The following TBC1D23 variants were observed in gnomAD, a reference collection of about 807,000 sequenced individuals.
The protein encoded by TBC1D23 is HCV non-structural protein 4A-transactivated protein 1.
In TBC1D23, 55 loss-of-function variants were observed where a neutral mutation model predicts 91.4. The observed-to-expected ratio is 0.60, with a 90% CI of 0.48 to 0.75. The LOEUF is 0.75. Ranked by LOEUF, TBC1D23 falls within the 30% of genes least tolerant of loss-of-function variation. TBC1D23 has a pLI of 0.00. For synonymous variants in TBC1D23, 289 were observed against 281.0 expected, an observed-to-expected ratio of 1.03 and a Z score of -0.28; for missense variants, 725 against 836.1, an observed-to-expected ratio of 0.87 and a Z score of 1.64.
Position 100,306,431 on chromosome 3 carries a change from CT to C in TBC1D23, c.1307-4del, listed in dbSNP as rs1705519197. On this transcript the variant is annotated splice_polypyrimidine_tract_variant and splice_region_variant and intron_variant, in intron 12 of 18. Transcript: ENST00000394144. ...GGTTTTTCTTTTTTTTTTAATTTAT[CT>C]TAAGCACTGCAGCAGCACCTGGCAG... The C allele has an allele frequency of 6.5e-7, 1 of 1,542,744 alleles. No individual in the cohort carries two copies.
intron 5 of TBC1D23, 34 bp from the exon 6 acceptor site, chr3:100,295,053 G>A: frequency 6.5e-7 from 1 of 1,542,648 alleles, no homozygotes. Flanking sequence ...CACCTCCAGT[G>A]GTTTATGTCT....
At chr3:100,297,047 A>G (rs1191020296) in intron 8 of TBC1D23, among the ~76,000 whole-genome samples, 1 of 152,126 alleles carries the variant, frequency 6.6e-6, no homozygotes, top group African/African-American at 2.4e-5. Context: ...AAAGGACACC[A>G]GATTAGAAGT....
chr3:100,318,338 A>G (rs920045779), intron 16 of TBC1D23, among the ~76,000 whole-genome samples: 1 of 152,026 alleles, frequency 6.6e-6, no homozygotes, highest in African/African-American at 2.4e-5. Context: ...TTATCTCAGG[A>G]TTGATTTTAT....
At chr3:100,290,520 T>C in intron 4 of TBC1D23, 58 bp from the exon 5 acceptor site, 1 of 1,530,034 alleles carries the variant, frequency 6.5e-7, no homozygotes, top group Non-Finnish European at 9.0e-7. Flanking sequence ...GATTGGTTAC[T>C]GATGTGATTA....
At chr3:100,307,973 A>G (rs939828387) in intron 13 of TBC1D23, among the ~76,000 whole-genome samples, 4 of 152,226 alleles carry the variant, frequency 2.6e-5, no homozygotes, top group Admixed American at 2.0e-4. Context: ...AAACATTCTA[A>G]TTTATATTCC....
At chr3:100,320,595 A>G (rs1258241706) in intron 17 of TBC1D23, among the ~76,000 whole-genome samples, 182 bp from the exon 18 acceptor site, 2 of 152,206 alleles carry the variant, frequency 1.3e-5, no homozygotes, top group East Asian at 1.9e-4. Context: ...TTAATTTTGC[A>G]TACAATTAAA....
chr3:100,306,406 G>C, intron 12 of TBC1D23, 31 bp from the exon 13 acceptor site: 5 of 1,315,526 alleles, frequency 3.8e-6, no homozygotes, highest in Non-Finnish European at 5.4e-6. Context: ...TGATATTTTA[G>C]GTTTTTCTTT....
At chr3:100,279,500 C>T in intron 1 of TBC1D23, 149 bp from the exon 2 acceptor site, 1 of 473,080 alleles carries the variant, frequency 2.1e-6, no homozygotes, top group South Asian at 4.4e-5. Flanking sequence ...CACAAGAAAA[C>T]ATGCTGTGTA....
At chr3:100,301,581 G>A (rs1705432676) in intron 10 of TBC1D23, among the ~76,000 whole-genome samples, 1 of 152,082 alleles carries the variant, frequency 6.6e-6, no homozygotes. Flanking sequence ...TTGTTTCCTT[G>A]AGGGTAAGAA....
intron 1 of TBC1D23, among the ~76,000 whole-genome samples, chr3:100,272,735 G>A (rs1200118623): frequency 1.3e-5 from 2 of 152,060 alleles, no homozygotes; most frequent in African/African-American, 2.4e-5. Context: ...GTGGAGAGAA[G>A]GTCAGCAGAT....
At chr3:100,286,081 A>G (rs1162762980) in intron 4 of TBC1D23, among the ~76,000 whole-genome samples, 1 of 152,186 alleles carries the variant, frequency 6.6e-6, no homozygotes, top group African/African-American at 2.4e-5. Context: ...CCTCTGTGCT[A>G]CCTTGAAGCC....
chr3:100,303,123 C>T (rs1705462104), intron 11 of TBC1D23, among the ~76,000 whole-genome samples: 2 of 152,064 alleles, frequency 1.3e-5, no homozygotes, highest in African/African-American at 2.4e-5. Context: ...TCAGTGATGG[C>T]TTGTTTTTTA....
At chr3:100,298,271 A>T (rs1705343782) in intron 9 of TBC1D23, among the ~76,000 whole-genome samples, 1 of 142,802 alleles carries the variant, frequency 7.0e-6, no homozygotes. Flanking sequence ...GACATTCTTG[A>T]CACCAGTTTT....
chr3:100,297,663 G>A (rs908171689), intron 8 of TBC1D23, among the ~76,000 whole-genome samples: 2 of 149,980 alleles, frequency 1.3e-5, no homozygotes, highest in African/African-American at 2.5e-5. Context: ...TTAACTACAG[G>A]TGGTAGTATA....
At position 100,314,153 on chromosome 3, in the gene TBC1D23, C is replaced by T. The variant is rs1052221732; in HGVS notation, c.1599-1946C>T. Among the ~76,000 whole-genome samples the T allele has an allele frequency of 2.4e-5, 3 of 126,126 alleles. No individual in the cohort carries two copies. In the Admixed American group the frequency reaches 3.2e-4, roughly 14 times the overall value. The allele number at this position is 126,126 out of a possible 152,430, so 82.7% of individuals were successfully genotyped here. A position where few individuals can be genotyped will look rare whatever the true frequency, so the allele number is the denominator to read the frequency against. ...TTGCTCTGTTGCCCAAGCTGGAGTG[C>T]AGTGGCGCAATCTCGGCTCACTGCA... On this transcript the variant is annotated intron_variant, in intron 15 of 18. Transcript: ENST00000394144.
chr3:100,299,273 C>G lies in TBC1D23; in HGVS notation c.1034C>G (p.Pro345Arg). 1 of 1,612,914 alleles carries G rather than the reference C, an allele frequency of 6.2e-7. No individual in the cohort carries two copies. The highest frequency in any genetic ancestry group is 1.7e-5 in the Admixed American group (1 of 59,994). ...CGGTTCTTTGTGGTGGATTGCCGTCCTGCAGAACAATATAATGCTGGGCAT... is the reference window on the plus strand; with the variant it reads ...CGGTTCTTTGTGGTGGATTGCCGTCGTGCAGAACAATATAATGCTGGGCAT... Reference protein sequence around the residue: ...GVRFFVVDCRPAEQYNAGHLS... With the variant: ...GVRFFVVDCRRAEQYNAGHLS... The change falls in exon 10 of 19, where the codon CCT (proline) becomes CGT (arginine). Residue 345 changes from proline to arginine, a missense_variant. Transcript: ENST00000394144.
At chr3:100,291,021 T>C (rs1175977744) in intron 5 of TBC1D23, among the ~76,000 whole-genome samples, 1 of 152,214 alleles carries the variant, frequency 6.6e-6, no homozygotes, top group Non-Finnish European at 1.5e-5. Context: ...ACATGTAATA[T>C]ATGATACATA....
intron 3 of TBC1D23, among the ~76,000 whole-genome samples, 199 bp from the exon 4 acceptor site, chr3:100,283,406 CTG>C (rs1217716223): frequency 2.0e-5 from 3 of 151,752 alleles, no homozygotes; most frequent in African/African-American, 7.3e-5. Context: ...AGCGTTTTGA[CTG>C]TGTGTTTTCC....
chr3:100,320,933 TAGC>T lies in TBC1D23; in HGVS notation c.1983_1985del (p.Ser662del). On this transcript the variant is annotated inframe_deletion, in exon 18 of 19. Coordinates refer to ENST00000394144, the MANE Select transcript of TBC1D23 (RefSeq NM_001199198.3). ...AACTCATTACCTTCAAGTATGGAAATAGCAGTGCTTCAGGAATAGAAATCTTGG... is the reference window on the plus strand; with the variant it reads ...AACTCATTACCTTCAAGTATGGAAATAGTGCTTCAGGAATAGAAATCTTGG... 6.2e-7 allele frequency: 1 copy of T among 1,604,262 alleles called. No individual in the cohort carries two copies. The highest frequency in any genetic ancestry group is 8.5e-7 in the Non-Finnish European group (1 of 1,177,108).
Sources: allele counts gnomAD v4.1 joint callset (sites outside exome capture counted in the v4.1 genomes callset), GRCh38; gene constraint gnomAD v4.1.1; transcripts MANE v1.5; gene names NCBI Gene and HGNC (gene_info 2026-07-23, HGNC 2026-07-21).